CSMD1: variants seen among roughly 807,000 people sequenced by gnomAD.
CSMD1 encodes CUB and Sushi multiple domains 1.
In CSMD1, 213 loss-of-function variants were observed where a neutral mutation model predicts 417.5. The ratio of observed to expected loss-of-function variants is 0.51; its 90% CI spans 0.46 to 0.57. The LOEUF (loss-of-function observed/expected upper bound fraction) is 0.57. Among genes scored for constraint, CSMD1 ranks in the 20% least tolerant of loss-of-function variants. The pLI, the probability that CSMD1 is intolerant of heterozygous loss-of-function variation, is 0.00. For synonymous variants in CSMD1, 2,862 were observed against 1,736.8 expected (o/e 1.65, Z -16.11); for missense variants, 6,923 against 4,529.7 (o/e 1.53, Z -15.17).
chr8:4,153,544 G>T (rs1336086602), intron 3 of CSMD1, among the ~76,000 whole-genome samples: 2 of 152,198 alleles, frequency 1.3e-5, no homozygotes, highest in Admixed American at 6.5e-5. Flanking sequence ...TCCCTCGTCA[G>T]CAGCGGCCTC....
intron 3 of CSMD1, among the ~76,000 whole-genome samples, chr8:4,388,316 A>AC (rs778712324): frequency 2.6e-5 from 2 of 77,428 alleles, no homozygotes; most frequent in East Asian, 6.3e-4. Flanking sequence ...ACACACACAC[A>AC]CACAGACACA....
At chr8:4,796,028 C>G (rs1797962853) in intron 1 of CSMD1, among the ~76,000 whole-genome samples, 1 of 152,112 alleles carries the variant, frequency 6.6e-6, no homozygotes, top group African/African-American at 2.4e-5. Flanking sequence ...GGCAAGGCTT[C>G]AGGTATTTAA....
At chr8:3,254,097 T>C (rs1385261356) in intron 26 of CSMD1, among the ~76,000 whole-genome samples, 1 of 152,194 alleles carries the variant, frequency 6.6e-6, no homozygotes, top group Non-Finnish European at 1.5e-5. Flanking sequence ...CAGCATTTGC[T>C]TGTCTGTAAA....
chr8:3,558,478 C>T (rs13268328), intron 10 of CSMD1, among the ~76,000 whole-genome samples: 1 of 149,458 alleles, frequency 6.7e-6, no homozygotes, highest in East Asian at 2.0e-4. Flanking sequence ...ACCCCATGTC[C>T]ACTCCTCCAA....
At chr8:4,336,314 G>A (rs1800169355) in intron 3 of CSMD1, among the ~76,000 whole-genome samples, 1 of 152,126 alleles carries the variant, frequency 6.6e-6, no homozygotes, top group Admixed American at 6.6e-5. Context: ...CGTAGCCTCT[G>A]TAGAAAGGCA....
intron 49 of CSMD1, among the ~76,000 whole-genome samples, chr8:3,085,009 T>C (rs1352802699): frequency 5.3e-5 from 8 of 152,076 alleles, no homozygotes; most frequent in Non-Finnish European, 1.2e-4. Flanking sequence ...CTAAAAGAAG[T>C]CTTGCACAGG....
At chr8:3,618,906 A>C (rs1167760031) in intron 7 of CSMD1, among the ~76,000 whole-genome samples, 1 of 152,212 alleles carries the variant, frequency 6.6e-6, no homozygotes, top group Non-Finnish European at 1.5e-5. Context: ...GGCTGGCAGC[A>C]CGATGGTCGC....
chr8:3,820,492 G>A (rs572554005), intron 5 of CSMD1, among the ~76,000 whole-genome samples: 26 of 152,246 alleles, frequency 1.7e-4, no homozygotes, highest in Admixed American at 1.2e-3. Context: ...AGTTTGTCAG[G>A]GTCAACAGCA....
At chr8:3,844,314 G>T (rs981759745) in intron 5 of CSMD1, among the ~76,000 whole-genome samples, 3 of 152,156 alleles carry the variant, frequency 2.0e-5, no homozygotes, top group Non-Finnish European at 4.4e-5. Flanking sequence ...AGCATTGGTG[G>T]ATCAATTTCA....
chr8:3,648,335 A>C lies in CSMD1; in HGVS notation c.1010-31538T>G, dbSNP rs1374455725. On this transcript the variant is annotated intron_variant, in intron 7 of 69. Coordinates refer to ENST00000635120, the MANE Select transcript of CSMD1 (RefSeq NM_033225.6). ...TTGCTGAAATAATAGTTGTTGCTATATTGAACAATATTTTGGTCATGACAG... is the reference window on the plus strand; with the variant it reads ...TTGCTGAAATAATAGTTGTTGCTATCTTGAACAATATTTTGGTCATGACAG... Among the ~76,000 whole-genome samples the C allele has an allele frequency of 2.0e-5, 3 of 152,338 alleles. No individual in the cohort carries two copies. The East Asian group carries it at 5.8e-4, about 29-fold the overall frequency.
At chr8:3,916,303 G>A (rs1279624631) in intron 5 of CSMD1, among the ~76,000 whole-genome samples, 2 of 152,042 alleles carry the variant, frequency 1.3e-5, no homozygotes, top group African/African-American at 4.8e-5. Context: ...AAAATCACCT[G>A]GTTCTCAGCA....
At chr8:3,242,321 A>T (rs1232542314) in intron 26 of CSMD1, among the ~76,000 whole-genome samples, 1 of 150,260 alleles carries the variant, frequency 6.7e-6, no homozygotes, top group Non-Finnish European at 1.5e-5. Flanking sequence ...GGGGCTGTAG[A>T]AAAGGAAGAC....
intron 3 of CSMD1, among the ~76,000 whole-genome samples, chr8:4,317,789 G>A (rs952725481): frequency 3.3e-5 from 5 of 152,080 alleles, no homozygotes; most frequent in Non-Finnish European, 7.4e-5. Context: ...CTTTTATATA[G>A]TAAAGTGCCT....
At chr8:3,221,703 C>T (rs986768689) in intron 28 of CSMD1, among the ~76,000 whole-genome samples, 57 of 152,162 alleles carry the variant, frequency 3.7e-4, no homozygotes, top group African/African-American at 1.3e-3. Flanking sequence ...TATCTCTAAG[C>T]TCTTACAGCA....
intron 7 of CSMD1, among the ~76,000 whole-genome samples, chr8:3,651,602 C>T (rs1031486675): frequency 1.3e-5 from 2 of 152,114 alleles, no homozygotes; most frequent in Admixed American, 6.5e-5. Flanking sequence ...CCCCTGCCCC[C>T]CTGCACTCAT....
Position 3,349,541 on chromosome 8 carries a change from G to T in CSMD1, c.3305-1380C>A, listed in dbSNP as rs188257154. ...GCAGGCTTTGGATGTGGCTCTCGGG[G>T]TGCAAGTGTTGAGGCGGAAGTGCAG... On this transcript the variant is annotated intron_variant, in intron 21 of 69. Coordinates refer to ENST00000635120, the MANE Select transcript of CSMD1 (RefSeq NM_033225.6). Among the ~76,000 whole-genome samples the T allele has an allele frequency of 4.4e-4, 67 of 151,986 alleles. 1 individual carries two copies. Among genetic ancestry groups the T allele is most frequent in the East Asian group, 3.7e-3 (19 of 5,178 alleles).
intron 23 of CSMD1, among the ~76,000 whole-genome samples, chr8:3,320,766 C>G (rs1441362257): frequency 4.6e-5 from 7 of 152,176 alleles, no homozygotes; most frequent in African/African-American, 7.2e-5. Flanking sequence ...GCCAGCCCAT[C>G]CTCTCTGGGC....
At chr8:4,223,927 C>T (rs557865433) in intron 3 of CSMD1, among the ~76,000 whole-genome samples, 1 of 152,302 alleles carries the variant, frequency 6.6e-6, no homozygotes, top group Admixed American at 6.5e-5. Flanking sequence ...CGGTTAATAA[C>T]ATCCAGGGGT....
intron 1 of CSMD1, among the ~76,000 whole-genome samples, chr8:4,750,094 C>T (rs1281908392): frequency 2.6e-5 from 4 of 152,162 alleles, no homozygotes; most frequent in East Asian, 1.9e-4. Flanking sequence ...CAAGCTCCGC[C>T]TCCCGGGTTC....
Sources: allele counts gnomAD v4.1 joint callset (sites outside exome capture counted in the v4.1 genomes callset), GRCh38; gene constraint gnomAD v4.1.1; transcripts MANE v1.5; gene names NCBI Gene and HGNC (gene_info 2026-07-23, HGNC 2026-07-21).